Variants in CNOT2 observed in about 807,000 individuals in gnomAD.
CNOT2 encodes the protein CCR4-NOT transcription complex subunit 2.
CNOT2 carries 7 observed loss-of-function variants against 72.1 expected under a neutral mutation model. The observed-to-expected ratio is 0.10, with a 90% CI of 0.06 to 0.18. CNOT2 has a LOEUF of 0.18. Among genes scored for constraint, CNOT2 ranks in the 10% least tolerant of loss-of-function variants. The pLI is 1.00. For synonymous variants in CNOT2, 196 were observed against 225.6 expected (o/e 0.87, Z 1.17); for missense variants, 345 against 660.3 (o/e 0.52, Z 5.23).
chr12:70,292,312 A>G (rs750860421), intron 2 of CNOT2, among the ~76,000 whole-genome samples: 2 of 152,226 alleles, frequency 1.3e-5, no homozygotes, highest in Non-Finnish European at 2.9e-5. Context: ...AGTGTGTATG[A>G]TATAACATCA....
chr12:70,353,323 C>T (rs1490747898), intron 15 of CNOT2, among the ~76,000 whole-genome samples: 1 of 152,030 alleles, frequency 6.6e-6, no homozygotes, highest in Non-Finnish European at 1.5e-5. Flanking sequence ...GATCTGCCCA[C>T]CTAAGCCTCC....
chr12:70,266,990 T>G (rs1255451794), intron 1 of CNOT2, among the ~76,000 whole-genome samples: 1 of 152,206 alleles, frequency 6.6e-6, no homozygotes, highest in African/African-American at 2.4e-5. Context: ...TGTGATTGAT[T>G]CTTCTTTCCT....
At chr12:70,279,822 T>C (rs1206203404) in intron 2 of CNOT2, among the ~76,000 whole-genome samples, 1 of 152,216 alleles carries the variant, frequency 6.6e-6, no homozygotes, top group African/African-American at 2.4e-5. Context: ...AACAGAATTA[T>C]GTTTTATACA....
intron 2 of CNOT2, among the ~76,000 whole-genome samples, chr12:70,281,023 G>A (rs1869727623): frequency 6.6e-6 from 1 of 151,386 alleles, no homozygotes; most frequent in Admixed American, 6.6e-5. Context: ...CTAGCTATGA[G>A]CATGCACATG....
At chr12:70,331,200 C>G (rs531901569) in intron 6 of CNOT2, 22 of 151,978 alleles carry the variant, frequency 1.4e-4, no homozygotes, top group African/African-American at 4.8e-4. Flanking sequence ...CTACCTTGAT[C>G]TAGTTGTTAT....
At chr12:70,332,166 CG>C (rs1030018950) in intron 6 of CNOT2, among the ~76,000 whole-genome samples, 1 of 151,552 alleles carries the variant, frequency 6.6e-6, no homozygotes, top group Non-Finnish European at 1.5e-5. Flanking sequence ...AATTTTAAAA[CG>C]CACCATTCAA....
chr12:70,306,492 A>G (rs1317222198), intron 2 of CNOT2, among the ~76,000 whole-genome samples: 1 of 152,168 alleles, frequency 6.6e-6, no homozygotes, highest in Non-Finnish European at 1.5e-5. Context: ...CTTAGTTCTT[A>G]TGAAATCAAA....
At chr12:70,335,767 G>A (rs908760553) in intron 8 of CNOT2, 7 of 375,964 alleles carry the variant, frequency 1.9e-5, no homozygotes, top group Non-Finnish European at 2.9e-5. Context: ...AGTTAAATGG[G>A]AAAACTTTGT....
At chr12:70,328,005 C>T (rs757404043) in intron 4 of CNOT2, among the ~76,000 whole-genome samples, 6 of 151,840 alleles carry the variant, frequency 4.0e-5, no homozygotes, top group Non-Finnish European at 5.9e-5. Flanking sequence ...TTCTCATAGT[C>T]ACAAAACTTA....
At chr12:70,291,814 G>A (rs1208283247) in intron 2 of CNOT2, among the ~76,000 whole-genome samples, 1 of 152,100 alleles carries the variant, frequency 6.6e-6, no homozygotes, top group Non-Finnish European at 1.5e-5. Context: ...GCGGGCACCT[G>A]TAGTCCCAGC....
intron 2 of CNOT2, among the ~76,000 whole-genome samples, chr12:70,303,474 G>C (rs954926009): frequency 2.0e-5 from 3 of 152,058 alleles, no homozygotes; most frequent in African/African-American, 7.2e-5. Flanking sequence ...CTTCACTTAC[G>C]AAGCTTAGTT....
chr12:70,254,980 CA>C (rs34311334), intron 1 of CNOT2, among the ~76,000 whole-genome samples: 34,150 of 110,040 alleles, frequency 0.31, 3,590 homozygotes, highest in East Asian at 0.42. Context: ...GACTGCATCT[CA>C]AAAAAAAAAA....
At chr12:70,286,941 A>T (rs1162327204) in intron 2 of CNOT2, among the ~76,000 whole-genome samples, 2 of 151,696 alleles carry the variant, frequency 1.3e-5, no homozygotes, top group African/African-American at 2.4e-5. Flanking sequence ...GTTGTAAATT[A>T]AAAAAAAATT....
At position 70,280,138 on chromosome 12, in the gene CNOT2, T is replaced by G. The variant is rs1323760538; in HGVS notation, c.48+1864T>G. ...ATTTGTACTGGTAGTCTAAGAATTT[T>G]TATATTCTTAATATATTCATCATAA... On this transcript the variant is annotated intron_variant, in intron 2 of 15. Coordinates refer to ENST00000229195, the MANE Select transcript of CNOT2 (RefSeq NM_014515.7). 3.9e-5 allele frequency among the ~76,000 whole-genome samples: 6 copies of G among 152,198 alleles called. No individual in the cohort carries two copies. The East Asian group carries it at 1.2e-3, about 29-fold the overall frequency.
At chr12:70,350,670 ATTACCC>A (rs1882752858) in intron 15 of CNOT2, among the ~76,000 whole-genome samples, 1 of 152,210 alleles carries the variant, frequency 6.6e-6, no homozygotes, top group Admixed American at 6.5e-5. Context: ...ATTGTATAAA[ATTACCC>A]TCAGGGTATG....
chr12:70,333,504 A>G (rs1880253224), intron 7 of CNOT2, among the ~76,000 whole-genome samples: 1 of 151,882 alleles, frequency 6.6e-6, no homozygotes, highest in Non-Finnish European at 1.5e-5. Context: ...CACCCTACAG[A>G]CCCTTTCCTG....
intron 2 of CNOT2, among the ~76,000 whole-genome samples, chr12:70,304,257 C>T (rs1299532420): frequency 6.6e-6 from 1 of 152,148 alleles, no homozygotes; most frequent in Non-Finnish European, 1.5e-5. Context: ...AGCTACATTC[C>T]TTTGGAGGAG....
intron 3 of CNOT2, among the ~76,000 whole-genome samples, chr12:70,311,425 T>C (rs1876434833): frequency 6.6e-6 from 1 of 152,056 alleles, no homozygotes; most frequent in South Asian, 2.1e-4. Context: ...TAAAACTTTA[T>C]GCTTATTGTG....
At chr12:70,335,805 G>T in intron 8 of CNOT2, 2 of 308,456 alleles carry the variant, frequency 6.5e-6, no homozygotes, top group South Asian at 7.3e-5. Flanking sequence ...AGTCCTCATT[G>T]GTATTCAGAA....
Sources: allele counts gnomAD v4.1 joint callset (sites outside exome capture counted in the v4.1 genomes callset), GRCh38; gene constraint gnomAD v4.1.1; transcripts MANE v1.5; gene names NCBI Gene and HGNC (gene_info 2026-07-23, HGNC 2026-07-21).